The following AMMECR1 variants were observed in gnomAD, a reference collection of about 807,000 sequenced individuals.
The protein encoded by AMMECR1 is AMMECR nuclear protein 1, also known as nuclear protein AMMECR1.
A neutral mutation model predicts 22.5 loss-of-function variants in AMMECR1; 3 were observed. The observed-to-expected ratio is 0.13, with a 90% CI of 0.06 to 0.35. The LOEUF (loss-of-function observed/expected upper bound fraction) is 0.35, where lower values mean the gene tolerates loss of function less well. AMMECR1 is among the 10% of genes least tolerant of loss of function. AMMECR1 has a pLI of 1.00. For synonymous variants in AMMECR1, 130 were observed against 116.7 expected (o/e 1.11, Z -0.74); for missense variants, 235 against 278.7 (o/e 0.84, Z 1.12).
intron 2 of AMMECR1, among the ~76,000 whole-genome samples, chrX:110,324,330 C>T (rs1215537153): frequency 9.0e-6 from 1 of 111,455 alleles, no homozygotes; most frequent in African/African-American, 3.3e-5. Flanking sequence ...ATCTTGCAAC[C>T]GAGCTGAATT....
chrX:110,259,167 T>TC (rs1296802167), intron 2 of AMMECR1, among the ~76,000 whole-genome samples: 1 of 111,073 alleles, frequency 9.0e-6, no homozygotes, highest in Admixed American at 9.6e-5. Flanking sequence ...CAATCCCCCC[T>TC]CAAACTCCCC....
chrX:110,308,158 T>C (rs1166300850), intron 1 of AMMECR1, among the ~76,000 whole-genome samples: 1 of 111,763 alleles, frequency 8.9e-6, no homozygotes, highest in Non-Finnish European at 1.9e-5. Flanking sequence ...ATTACAGGCG[T>C]GAGCCATGGC....
intron 1 of AMMECR1, among the ~76,000 whole-genome samples, chrX:110,286,717 G>A (rs1055911850): frequency 4.6e-5 from 5 of 108,486 alleles, no homozygotes; most frequent in Non-Finnish European, 9.5e-5. Flanking sequence ...GTTACTTAAC[G>A]TCATCTTCTC....
At chrX:110,306,237 T>C (rs1007223560) in intron 1 of AMMECR1, among the ~76,000 whole-genome samples, 1 of 109,670 alleles carries the variant, frequency 9.1e-6, no homozygotes, top group South Asian at 4.0e-4. Context: ...GAGCTTGCAG[T>C]GAGCCAAGAT....
chrX:110,344,448 A>T (rs369130267), intron 2 of AMMECR1, among the ~76,000 whole-genome samples: 1 of 111,969 alleles, frequency 8.9e-6, no homozygotes, highest in Non-Finnish European at 1.9e-5. Context: ...GGACTTCATG[A>T]CTAAAACACC....
intron 2 of AMMECR1, among the ~76,000 whole-genome samples, chrX:110,339,380 A>G (rs2068153069): frequency 9.5e-6 from 1 of 105,207 alleles, no homozygotes; most frequent in Admixed American, 1.0e-4. Flanking sequence ...AAACTACAGA[A>G]AAGTGGAAAA....
intron 2 of AMMECR1, among the ~76,000 whole-genome samples, chrX:110,242,005 C>A (rs148283496): frequency 1.8e-5 from 2 of 111,524 alleles, no homozygotes; most frequent in East Asian, 5.6e-4. Flanking sequence ...TCTTCCAGCT[C>A]TCCACAACCA....
intron 2 of AMMECR1, among the ~76,000 whole-genome samples, chrX:110,228,694 G>C (rs187335270): frequency 5.5e-4 from 61 of 110,690 alleles, no homozygotes; most frequent in Middle Eastern, 4.7e-3. Context: ...GATAAGGGTG[G>C]GGGAGCAGCG....
chrX:110,206,323 C>T (rs997384702), intron 3 of AMMECR1, among the ~76,000 whole-genome samples: 10 of 112,129 alleles, frequency 8.9e-5, no homozygotes, highest in Non-Finnish European at 1.3e-4. Context: ...TATCTAGTCC[C>T]GTGTTAGAAA....
chrX:110,236,601 C>T (rs2067602954), intron 2 of AMMECR1, among the ~76,000 whole-genome samples: 1 of 112,075 alleles, frequency 8.9e-6, no homozygotes, highest in Admixed American at 9.4e-5. Context: ...CATTTTTACT[C>T]ACCATTATAT....
intron 2 of AMMECR1, among the ~76,000 whole-genome samples, chrX:110,337,664 C>A (rs1450291284): frequency 9.0e-6 from 1 of 111,185 alleles, no homozygotes; most frequent in African/African-American, 3.3e-5. Context: ...TATGGCAGTT[C>A]CCAAAAAAAT....
chrX:110,281,581 A>G (rs1436420965), intron 1 of AMMECR1, among the ~76,000 whole-genome samples: 2 of 112,051 alleles, frequency 1.8e-5, no homozygotes, highest in Non-Finnish European at 1.9e-5. Context: ...TTGTTTGGCC[A>G]TGCCCTTACA....
At chrX:110,301,310 G>C (rs1412092699) in intron 1 of AMMECR1, among the ~76,000 whole-genome samples, 2 of 112,485 alleles carry the variant, frequency 1.8e-5, no homozygotes, top group African/African-American at 6.5e-5. Context: ...CCCTGTGTTG[G>C]GTATGCCTTC....
At chrX:110,380,181 G>A (rs2068408845) in intron 2 of AMMECR1, among the ~76,000 whole-genome samples, 1 of 111,589 alleles carries the variant, frequency 9.0e-6, no homozygotes, top group Non-Finnish European at 1.9e-5. Context: ...GCTACACATA[G>A]GACAGTAGTA....
chrX:110,321,877 C>T (rs1602896331), upstream of AMMECR1, among the ~76,000 whole-genome samples: 1 of 112,435 alleles, frequency 8.9e-6, no homozygotes, highest in African/African-American at 3.2e-5. Context: ...ACCTTGTACA[C>T]GTATAACACA....
chrX:110,338,469 A>G (rs1156457728), intron 2 of AMMECR1, among the ~76,000 whole-genome samples: 1 of 112,094 alleles, frequency 8.9e-6, no homozygotes, highest in Admixed American at 9.5e-5. Context: ...GCTTTAATTA[A>G]CACAAAGGTG....
intron 1 of AMMECR1, chrX:110,305,518 A>C (rs2067988968): frequency 9.0e-6 from 1 of 111,536 alleles, no homozygotes; most frequent in South Asian, 3.8e-4. Context: ...AATGATAGAG[A>C]GCCTCATACT....
At chrX:110,334,003 T>A (rs2068131614) in intron 2 of AMMECR1, among the ~76,000 whole-genome samples, 1 of 111,767 alleles carries the variant, frequency 8.9e-6, no homozygotes, top group Admixed American at 9.5e-5. Flanking sequence ...GATGGTTTGC[T>A]TTTGTTGTTG....
intron 2 of AMMECR1, among the ~76,000 whole-genome samples, chrX:110,347,598 C>T (rs758916862): frequency 3.5e-5 from 4 of 112,806 alleles, no homozygotes; most frequent in Non-Finnish European, 5.6e-5. Flanking sequence ...CTGTATTTGG[C>T]AGGCTTAGAC....
Sources: gnomAD v4.1 joint callset for allele counts (sites outside exome capture counted in the v4.1 genomes callset) on GRCh38, gnomAD v4.1.1 for gene constraint, MANE v1.5 for transcripts, NCBI Gene and HGNC (gene_info 2026-07-23, HGNC 2026-07-21) for gene names.